IL1RAP: variants seen among roughly 807,000 people sequenced by gnomAD.
IL1RAP encodes the protein interleukin 1 receptor accessory protein.
In IL1RAP, 35 loss-of-function variants were observed where a neutral mutation model predicts 60.7. The ratio of observed to expected loss-of-function variants is 0.58; its 90% CI spans 0.44 to 0.76. The LOEUF is 0.76. Among genes scored for constraint, IL1RAP ranks in the 30% least tolerant of loss-of-function variants. The pLI is 0.00. For missense variants in IL1RAP, 572 were observed against 693.9 expected (o/e 0.82, Z 1.97); for synonymous variants, 268 against 250.9 (o/e 1.07, Z -0.64).
At chr3:190,523,396 G>A (rs1577496933) in intron 1 of IL1RAP, among the ~76,000 whole-genome samples, 2 of 151,886 alleles carry the variant, frequency 1.3e-5, no homozygotes, top group African/African-American at 4.8e-5. Flanking sequence ...AAATTCAGGG[G>A]TACATGTGCA....
chr3:190,654,148 A>G (rs568208444), downstream of IL1RAP, among the ~76,000 whole-genome samples: 1 of 151,614 alleles, frequency 6.6e-6, no homozygotes, highest in East Asian at 2.0e-4. Flanking sequence ...TGGCAAAAAC[A>G]TACATTTTCC....
chr3:190,649,390 A>G lies in IL1RAP; in HGVS notation c.*685A>G. 1 of 985,788 alleles carries G rather than the reference A, an allele frequency of 1.0e-6. No homozygotes were observed. The highest frequency in any genetic ancestry group is 1.2e-6 in the Non-Finnish European group (1 of 829,872). 61.1% of individuals were successfully genotyped at this position (985,788 alleles called of 1,614,324 possible). The stretch of plus-strand genomic sequence containing the variant: ...TTAATTTTTGTTTTTGCTCCAGTCA[A>G]TTCCTGATTATCCACAGGTCAACCC... On this transcript the variant is annotated 3_prime_UTR_variant, in exon 12 of 12. Coordinates refer to ENST00000447382, the MANE Select transcript of IL1RAP (RefSeq NM_002182.4).
chr3:190,603,455 T>C (rs1730029357), intron 3 of IL1RAP, among the ~76,000 whole-genome samples: 1 of 152,124 alleles, frequency 6.6e-6, no homozygotes, highest in Non-Finnish European at 1.5e-5. Context: ...TGCTGTCCAA[T>C]AAAGTAGACA....
intron 3 of IL1RAP, among the ~76,000 whole-genome samples, chr3:190,578,229 G>A (rs1727672403): frequency 6.6e-6 from 1 of 152,160 alleles, no homozygotes; most frequent in Admixed American, 6.5e-5. Flanking sequence ...TTGTCTGACT[G>A]TATTTCAATC....
At chr3:190,534,736 G>A (rs569984028) in intron 1 of IL1RAP, among the ~76,000 whole-genome samples, 3 of 152,064 alleles carry the variant, frequency 2.0e-5, no homozygotes, top group South Asian at 4.2e-4. Flanking sequence ...GGCCTGAACT[G>A]GGAATCAAAA....
intron 1 of IL1RAP, among the ~76,000 whole-genome samples, chr3:190,543,234 A>G (rs755002561): frequency 2.0e-5 from 3 of 152,208 alleles, no homozygotes; most frequent in African/African-American, 7.2e-5. Flanking sequence ...GATCTGAGAA[A>G]GAAATGAGTG....
intron 1 of IL1RAP, among the ~76,000 whole-genome samples, chr3:190,527,237 C>G (rs1436177304): frequency 6.6e-6 from 1 of 152,146 alleles, no homozygotes; most frequent in East Asian, 1.9e-4. Flanking sequence ...TGATCCTGTG[C>G]CTCTTGTGTA....
rs369434189 is a variant in IL1RAP, at chr3:190,574,558, C to T, written c.64+10205C>T. ...CCAATGACTGACTGCAGGCTCTGTC[C>T]CTCCACTTAGGTGTTAAGGGACTCA... On this transcript the variant is annotated intron_variant, in intron 3 of 11. Coordinates refer to ENST00000447382, the MANE Select transcript of IL1RAP (RefSeq NM_002182.4). Among the ~76,000 whole-genome samples, 6 of 152,294 alleles carry T rather than the reference C, an allele frequency of 3.9e-5. No homozygotes were observed. In the East Asian group the frequency reaches 1.2e-3, roughly 29 times the overall value.
chr3:190,613,850 A>G (rs1731036233), intron 5 of IL1RAP, among the ~76,000 whole-genome samples: 1 of 151,886 alleles, frequency 6.6e-6, no homozygotes, highest in Non-Finnish European at 1.5e-5. Context: ...AAAAGACAAC[A>G]ACCAGTCATG....
At chr3:190,654,224 A>ACACACACACAC (rs1734529887), downstream of IL1RAP, among the ~76,000 whole-genome samples, 1 of 150,200 alleles carries the variant, frequency 6.7e-6, no homozygotes, top group East Asian at 1.9e-4. Context: ...ACACACACAC[A>ACACACACACAC]CACACAATTT....
intron 1 of IL1RAP, among the ~76,000 whole-genome samples, chr3:190,524,059 C>A (rs1722303819): frequency 6.6e-6 from 1 of 152,114 alleles, no homozygotes; most frequent in South Asian, 2.1e-4. Flanking sequence ...AGTAGCCATT[C>A]TGACTGGTGT....
chr3:190,649,330 A>G lies in IL1RAP; in HGVS notation c.*625A>G, dbSNP rs1734254243. On this transcript the variant is annotated 3_prime_UTR_variant, in exon 12 of 12. Coordinates refer to ENST00000447382, the MANE Select transcript of IL1RAP (RefSeq NM_002182.4). ...ACCACCCTTGTCCTCATCTCAGGTA[A>G]TTTATGAAATCTATGTAAACTTGAA... is the stretch of plus-strand genomic sequence containing the variant. 1 of 985,060 alleles carries G rather than the reference A, an allele frequency of 1.0e-6. No individual in the cohort carries two copies. Among genetic ancestry groups the G allele is most frequent in the Non-Finnish European group, 1.2e-6 (1 of 829,174 alleles). 61.0% of individuals were successfully genotyped at this position (985,060 alleles called of 1,614,324 possible). A position where few individuals can be genotyped will look rare whatever the true frequency, so the allele number is the denominator to read the frequency against.
intron 4 of IL1RAP, among the ~76,000 whole-genome samples, chr3:190,606,456 C>T (rs546833993): frequency 6.6e-6 from 1 of 152,320 alleles, no homozygotes; most frequent in South Asian, 2.1e-4. Flanking sequence ...TAACATTTCC[C>T]AACGGGAAGA....
chr3:190,626,764 G>T (rs1159772736), intron 7 of IL1RAP, among the ~76,000 whole-genome samples: 1 of 142,212 alleles, frequency 7.0e-6, no homozygotes, highest in African/African-American at 2.7e-5. Context: ...TCCACCTCCT[G>T]AGTTCAAGCA....
At chr3:190,591,209 C>T (rs1728910072) in intron 3 of IL1RAP, among the ~76,000 whole-genome samples, 1 of 152,208 alleles carries the variant, frequency 6.6e-6, no homozygotes, top group South Asian at 2.1e-4. Flanking sequence ...GTGACCAGCT[C>T]TCCGCTAAAC....
intron 9 of IL1RAP, among the ~76,000 whole-genome samples, chr3:190,638,330 C>A (rs1484290406): frequency 6.6e-6 from 1 of 152,164 alleles, no homozygotes; most frequent in South Asian, 2.1e-4. Context: ...TGGTATCTTA[C>A]TGTAGTTTAA....
chr3:190,572,933 G>A (rs1350623532), intron 3 of IL1RAP, among the ~76,000 whole-genome samples: 1 of 48,436 alleles, frequency 2.1e-5, no homozygotes, highest in African/African-American at 8.5e-5. Flanking sequence ...GCGGGATCTC[G>A]GCTCACTGCA....
chr3:190,619,901 A>C (rs1731623473), intron 5 of IL1RAP, among the ~76,000 whole-genome samples: 1 of 152,162 alleles, frequency 6.6e-6, no homozygotes, highest in Non-Finnish European at 1.5e-5. Flanking sequence ...TATTATAAAA[A>C]GAAAAAGAAT....
Position 190,649,943 on chromosome 3 carries a change from T to C in IL1RAP, c.*1238T>C. 1 of 821,468 alleles carries C rather than the reference T, an allele frequency of 1.2e-6. No homozygotes were observed. Among genetic ancestry groups the C allele is most frequent in the Non-Finnish European group, 1.5e-6 (1 of 680,516 alleles). 50.9% of individuals were successfully genotyped at this position (821,468 alleles called of 1,614,324 possible). Reference sequence around the variant, plus strand: ...ATGTTACATGTAGATTATACATATATATACACACGTGTATATGAGATATAT... The same window carrying C: ...ATGTTACATGTAGATTATACATATACATACACACGTGTATATGAGATATAT... On this transcript the variant is annotated 3_prime_UTR_variant, in exon 12 of 12. Transcript: ENST00000447382.
Sources: allele counts gnomAD v4.1 joint callset (sites outside exome capture counted in the v4.1 genomes callset), GRCh38; gene constraint gnomAD v4.1.1; transcripts MANE v1.5; gene names NCBI Gene and HGNC (gene_info 2026-07-23, HGNC 2026-07-21).